The following OR2W1 variants were observed in gnomAD, a reference collection of about 807,000 sequenced individuals.
OR2W1 encodes olfactory receptor family 2 subfamily W member 1.
For missense variants in OR2W1, 367 were observed against 385.3 expected, an observed-to-expected ratio of 0.95 and a Z score of 0.40; for synonymous variants, 133 against 137.8, an observed-to-expected ratio of 0.97 and a Z score of 0.24.
Position 29,044,761 on chromosome 6 carries a change from G to A in OR2W1, c.415C>T (p.His139Tyr). 1 of 1,612,850 alleles carries A rather than the reference G, an allele frequency of 6.2e-7. No individual in the cohort carries two copies. Among genetic ancestry groups the A allele is most frequent in the East Asian group, 2.2e-5 (1 of 44,880 alleles). The change falls in exon 1 of 1, where the codon CAT becomes TAT. Residue 139 changes from histidine to tyrosine, a missense_variant. Transcript: ENST00000377175. The surrounding 1 kb of genome is among the most constrained non-coding windows in gnomAD (Gnocchi z 4.3). ...ATGATAATCATCTTTAGACATAGAT[G>A]TGGGTTCATGACTACAAAATAATGC... Reference protein sequence around the residue: ...PLHYFVVMNPHLCLKMIIMIW... With the variant: ...PLHYFVVMNPYLCLKMIIMIW...
chr6:29,044,715 G>A lies in OR2W1; in HGVS notation c.461C>T (p.Ala154Val), dbSNP rs753098831. 2 of 1,612,868 alleles carry A rather than the reference G, an allele frequency of 1.2e-6. No homozygotes were observed. The highest frequency in any genetic ancestry group is 1.7e-6 in the Non-Finnish European group (2 of 1,179,982). ...GAGTGTACATAATACTACAGAATTG[G>A]CCAAACTAATACTCCAGATCATGAT... ...MIIMIWSISLANSVVLCTLTL... is the reference protein window; with the variant it reads ...MIIMIWSISLVNSVVLCTLTL... The change falls in exon 1 of 1, where the codon GCC becomes GTC. Residue 154 changes from alanine (A) to valine (V), a missense_variant. By Grantham distance (64) the Ala-to-Val change is moderately conservative. Transcript: ENST00000377175. This position sits in a 1 kb window ranked among gnomAD's most constrained non-coding sequence, Gnocchi z 4.3.
chr6:29,045,087 A>G lies in OR2W1; in HGVS notation c.89T>C (p.Val30Ala), dbSNP rs776571592. ...HPKMEMILSGVVAIFYLITLV... is the reference protein window; with the variant it reads ...HPKMEMILSGAVAIFYLITLV... ...TGTAATTAAGTAGAAGATGGCGACA[A>G]CTCCTGACAGGATCATCTCCATTTT... Residue 30 changes from valine to alanine, a missense_variant, in exon 1 of 1, where the codon GTT becomes GCT. Transcript: ENST00000377175. The G allele has an allele frequency of 1.2e-5, 20 of 1,612,782 alleles. No individual in the cohort carries two copies. The South Asian group carries it at 1.6e-4, about 13-fold the overall frequency.
Position 29,044,697 on chromosome 6 carries a change from C to A in OR2W1, c.479G>T (p.Cys160Phe), listed in dbSNP as rs764835169. 3 of 1,612,886 alleles carry A rather than the reference C, an allele frequency of 1.9e-6. No individual in the cohort carries two copies. Among genetic ancestry groups the A allele is most frequent in the Non-Finnish European group, 2.5e-6 (3 of 1,179,952 alleles). The change falls in exon 1 of 1, where the codon TGT (cysteine) becomes TTT (phenylalanine). Residue 160 changes from cysteine (C) to phenylalanine (F), a missense_variant. By Grantham distance (205) the Cys-to-Phe change is radical (BLOSUM62 -2). Transcript: ENST00000377175. The surrounding 1 kb of genome is among the most constrained non-coding windows in gnomAD (Gnocchi z 4.3). The part of the protein sequence containing the change: ...SISLANSVVL[C>F]TLTLNLPTCG... ...TGTGGGCAAATTCAGAGTGAGTGTACATAATACTACAGAATTGGCCAAACT... is the reference window on the plus strand; with the variant it reads ...TGTGGGCAAATTCAGAGTGAGTGTAAATAATACTACAGAATTGGCCAAACT...
In OR2W1 at chr6:29,045,081, G is replaced by T. The variant is rs905266934; in HGVS notation, c.95C>A (p.Ala32Asp). Residue 32 changes from alanine to aspartate, a missense_variant, in exon 1 of 1, where the codon GCC becomes GAC. Coordinates refer to ENST00000377175, the MANE Select transcript of OR2W1 (RefSeq NM_030903.3). ...KMEMILSGVVAIFYLITLVGN... is the reference protein window; with the variant it reads ...KMEMILSGVVDIFYLITLVGN... ...CACCAATGTAATTAAGTAGAAGATG[G>T]CGACAACTCCTGACAGGATCATCTC... 9.9e-6 allele frequency: 16 copies of T among 1,612,854 alleles called. No homozygotes were observed. Among genetic ancestry groups the T allele is most frequent in the African/African-American group, 2.7e-5 (2 of 74,910 alleles).
rs1211321399 is a variant in OR2W1 at position 29,045,102 on chromosome 6, A to G, written c.74T>C (p.Met25Thr). 3 of 1,612,832 alleles carry G rather than the reference A, an allele frequency of 1.9e-6. No homozygotes were observed. Among genetic ancestry groups the G allele is most frequent in the Admixed American group, 1.7e-5 (1 of 60,004 alleles). ...GATGGCGACAACTCCTGACAGGATC[A>G]TCTCCATTTTTGGATGGTTAGAGAA... is the stretch of plus-strand genomic sequence containing the variant. ...LGFSNHPKMEMILSGVVAIFY... is the reference protein window; with the variant it reads ...LGFSNHPKMETILSGVVAIFY... Residue 25 changes from methionine to threonine, a missense_variant, in exon 1 of 1, where the codon ATG (methionine) becomes ACG (threonine). Met to Thr is a moderately conservative substitution (Grantham distance 81). Coordinates refer to ENST00000377175, the MANE Select transcript of OR2W1 (RefSeq NM_030903.3).
chr6:29,044,712 T>C lies in OR2W1; in HGVS notation c.464A>G (p.Asn155Ser), dbSNP rs1784044389. Reference protein sequence around the residue: ...IIMIWSISLANSVVLCTLTLN... With the variant: ...IIMIWSISLASSVVLCTLTLN... ...AGTGAGTGTACATAATACTACAGAA[T>C]TGGCCAAACTAATACTCCAGATCAT... The change falls in exon 1 of 1, where the codon AAT becomes AGT. Residue 155 changes from asparagine (N) to serine (S), a missense_variant. Transcript: ENST00000377175. The surrounding 1 kb of genome is among the most constrained non-coding windows in gnomAD (Gnocchi z 4.3). 5.6e-6 allele frequency: 9 copies of C among 1,612,970 alleles called. No individual in the cohort carries two copies. The highest frequency in any genetic ancestry group is 7.6e-6 in the Non-Finnish European group (9 of 1,180,002).
At position 29,044,996 on chromosome 6, in the gene OR2W1, G is replaced by A. The variant is rs1784075145; in HGVS notation, c.180C>T (p.Tyr60=). The A allele has an allele frequency of 6.2e-7, 1 of 1,612,948 alleles. No individual in the cohort carries two copies. The highest frequency in any genetic ancestry group is 8.5e-7 in the Non-Finnish European group (1 of 1,179,940). The change falls in exon 1 of 1, where the codon TAC becomes TAT. Residue 60 remains tyrosine (Y), a synonymous_variant. Transcript: ENST00000377175. This position sits in a 1 kb window ranked among gnomAD's most constrained non-coding sequence, Gnocchi z 4.3. ...LLDSQLHTPM[Y]FFLRNLSFLD... ...GGAAAGATAAATTTCTGAGGAAAAA[G>A]TACATTGGTGTATGAAGCTGGGAAT...
Position 29,045,020 on chromosome 6 carries a change from A to C in OR2W1, c.156T>G (p.Asp52Glu). 6.2e-7 allele frequency: 1 copy of C among 1,613,010 alleles called. No homozygotes were observed. Among genetic ancestry groups the C allele is most frequent in the Non-Finnish European group, 8.5e-7 (1 of 1,179,982 alleles). Residue 52 changes from aspartate to glutamate, a missense_variant, in exon 1 of 1, where the codon GAT (aspartate) becomes GAG (glutamate). Asp to Glu is a conservative substitution (Grantham distance 45). Coordinates refer to ENST00000377175, the MANE Select transcript of OR2W1 (RefSeq NM_030903.3). ...AGTACATTGGTGTATGAAGCTGGGA[A>C]TCCAGGAGAGATGCAAGAATGATGG... ...NTAIILASLLDSQLHTPMYFF... is the reference protein window; with the variant it reads ...NTAIILASLLESQLHTPMYFF...
rs764583532 is a variant in OR2W1 at position 29,044,852 on chromosome 6, G to A, written c.324C>T (p.Gly108=). Residue 108 remains glycine, a synonymous_variant, in exon 1 of 1, where the codon GGC becomes GGT. Coordinates refer to ENST00000377175, the MANE Select transcript of OR2W1 (RefSeq NM_030903.3). The surrounding 1 kb of genome is among the most constrained non-coding windows in gnomAD (Gnocchi z 4.3). ...CAGCCAGGAGAAGGCACTCAACTGA[G>A]CCCAACCACATGTAAACATAGAGTT... ...IIQLYVYMWL[G]SVECLLLAVM... 3 of 1,612,900 alleles carry A rather than the reference G, an allele frequency of 1.9e-6. No homozygotes were observed. Among genetic ancestry groups the A allele is most frequent in the Admixed American group, 3.3e-5 (2 of 59,992 alleles).
In OR2W1 at chr6:29,044,771, G is replaced by T. The variant is rs1275240200; in HGVS notation, c.405C>A (p.Val135=). 1.2e-6 allele frequency: 2 copies of T among 1,612,738 alleles called. No homozygotes were observed. Among genetic ancestry groups the T allele is most frequent in the African/African-American group, 1.3e-5 (1 of 74,904 alleles). ...AICKPLHYFV[V]MNPHLCLKMI... is the part of the protein sequence containing the mutation. The stretch of plus-strand genomic sequence containing the variant: ...TCTTTAGACATAGATGTGGGTTCAT[G>T]ACTACAAAATAATGCAAGGGCTTAC... Residue 135 remains valine (V), a synonymous_variant, in exon 1 of 1, where the codon GTC becomes GTA. Transcript: ENST00000377175. This position sits in a 1 kb window ranked among gnomAD's most constrained non-coding sequence, Gnocchi z 4.3.
In OR2W1 at chr6:29,044,878, G is replaced by A. The variant is rs766557035; in HGVS notation, c.298C>T (p.Gln100Ter). The A allele has an allele frequency of 2.5e-6, 4 of 1,612,758 alleles. No individual in the cohort carries two copies. The highest frequency in any genetic ancestry group is 3.4e-6 in the Non-Finnish European group (4 of 1,179,984). Residue 100 changes from glutamine to a stop codon, truncating the protein, a stop_gained, in exon 1 of 1, where the codon CAA (glutamine) becomes TAA (stop). Transcript: ENST00000377175. LOFTEE classifies it low-confidence loss of function (END_TRUNC). The surrounding 1 kb of genome is among the most constrained non-coding windows in gnomAD (Gnocchi z 4.3). The stretch of plus-strand genomic sequence containing the variant: ...CCCAACCACATGTAAACATAGAGTT[G>A]GATGATACAACCCACATAGCTGATG... Reference protein sequence around the residue: ...KTISYVGCIIQLYVYMWLGSV... With the variant: ...KTISYVGCII
rs1308920601 is a variant in OR2W1 at position 29,044,722 on chromosome 6, T to G, written c.454A>C (p.Ser152Arg). ...LKMIIMIWSI[S>R]LANSVVLCTL... ...CATAATACTACAGAATTGGCCAAAC[T>G]AATACTCCAGATCATGATAATCATC... Residue 152 changes from serine to arginine, a missense_variant, in exon 1 of 1, where the codon AGT becomes CGT. Transcript: ENST00000377175. This position sits in a 1 kb window ranked among gnomAD's most constrained non-coding sequence, Gnocchi z 4.3. 1 of 1,612,934 alleles carries G rather than the reference T, an allele frequency of 6.2e-7. No individual in the cohort carries two copies. Among genetic ancestry groups the G allele is most frequent in the South Asian group, 1.1e-5 (1 of 91,080 alleles).
Position 29,044,532 on chromosome 6 carries a change from A to G in OR2W1, c.644T>C (p.Leu215Pro). 6.2e-7 allele frequency: 1 copy of G among 1,613,042 alleles called. No individual in the cohort carries two copies. Residue 215 changes from leucine (L) to proline (P), a missense_variant, in exon 1 of 1, where the codon CTT becomes CCT. Physicochemically the swap from Leu to Pro is moderately conservative, Grantham distance 98. Transcript: ENST00000377175. The surrounding 1 kb of genome is among the most constrained non-coding windows in gnomAD (Gnocchi z 4.3). ...TTTGGCAATGTAGCCATAGGATATA[A>G]GAATAAGGATGAGAGGTGTGAGGAC... ...IIVLTPLILI[L>P]ISYGYIAKAV...
rs750355430 is a variant in OR2W1 at position 29,045,036 on chromosome 6, A to G, written c.140T>C (p.Leu47Pro). The change falls in exon 1 of 1, where the codon CTT becomes CCT. Residue 47 changes from leucine to proline, a missense_variant. Transcript: ENST00000377175. ...AAGCTGGGAATCCAGGAGAGATGCA[A>G]GAATGATGGCTGTGTTACCCACCAA... ...ITLVGNTAII[L>P]ASLLDSQLHT... 7 of 1,613,084 alleles carry G rather than the reference A, an allele frequency of 4.3e-6. No homozygotes were observed. The East Asian group carries it at 1.6e-4, about 36-fold the overall frequency.
At position 29,044,492 on chromosome 6, in the gene OR2W1, C is replaced by T. The variant is rs144276666; in HGVS notation, c.684G>A (p.Thr228=). Residue 228 remains threonine (T), a synonymous_variant, in exon 1 of 1, where the codon ACG becomes ACA. Coordinates refer to ENST00000377175, the MANE Select transcript of OR2W1 (RefSeq NM_030903.3). The surrounding 1 kb of genome is among the most constrained non-coding windows in gnomAD (Gnocchi z 4.3). ...CTTTTCGCTGGCTTGCTTTTGACTT[C>T]GTTCTCAGCACAGCTTTGGCAATGT... ...YGYIAKAVLR[T]KSKASQRKAM... is the part of the protein sequence containing the mutation. 9.3e-6 allele frequency: 15 copies of T among 1,612,848 alleles called. No individual in the cohort carries two copies. Among genetic ancestry groups the T allele is most frequent in the East Asian group, 4.5e-5 (2 of 44,896 alleles).
In OR2W1 at chr6:29,044,401, A is replaced by G; in HGVS notation, c.775T>C (p.Tyr259His). The part of the protein sequence containing the change: ...SMFYGTIIYM[Y>H]LQPGNRASKD... ...GAAGCCCTGTTACCTGGTTGCAGGT[A>G]CATGTAGATAATAGTTCCATAGAAC... The change falls in exon 1 of 1, where the codon TAC becomes CAC. Residue 259 changes from tyrosine (Y) to histidine (H), a missense_variant. Transcript: ENST00000377175. This position sits in a 1 kb window ranked among gnomAD's most constrained non-coding sequence, Gnocchi z 4.3. The G allele has an allele frequency of 1.2e-6, 2 of 1,612,922 alleles. No homozygotes were observed. The highest frequency in any genetic ancestry group is 3.3e-5 in the Admixed American group (2 of 60,020).
chr6:29,044,778 A>C lies in OR2W1; in HGVS notation c.398T>G (p.Phe133Cys), dbSNP rs892489709. ...FTAICKPLHY[F>C]VVMNPHLCLK... Reference sequence around the variant, plus strand: ...ACATAGATGTGGGTTCATGACTACAAAATAATGCAAGGGCTTACATATAGC... The same window carrying C: ...ACATAGATGTGGGTTCATGACTACACAATAATGCAAGGGCTTACATATAGC... The change falls in exon 1 of 1, where the codon TTT becomes TGT. Residue 133 changes from phenylalanine (F) to cysteine (C), a missense_variant. Transcript: ENST00000377175. The surrounding 1 kb of genome is among the most constrained non-coding windows in gnomAD (Gnocchi z 4.3). 5 of 1,612,986 alleles carry C rather than the reference A, an allele frequency of 3.1e-6. No homozygotes were observed. In the African/African-American group the frequency reaches 6.7e-5, roughly 21 times the overall value.
chr6:29,044,456 G>C lies in OR2W1; in HGVS notation c.720C>G (p.Thr240=). The change falls in exon 1 of 1, where the codon ACC becomes ACG. Residue 240 remains threonine (T), a synonymous_variant. Coordinates refer to ENST00000377175, the MANE Select transcript of OR2W1 (RefSeq NM_030903.3). This position sits in a 1 kb window ranked among gnomAD's most constrained non-coding sequence, Gnocchi z 4.3. ...SKASQRKAMN[T]CGSHLTVVSM... is the part of the protein sequence containing the mutation. ...ACACTACAGTAAGATGAGATCCACA[G>C]GTATTCATTGCTTTTCGCTGGCTTG... is the stretch of plus-strand genomic sequence containing the variant. 1 of 1,613,022 alleles carries C rather than the reference G, an allele frequency of 6.2e-7. No individual in the cohort carries two copies. Among genetic ancestry groups the C allele is most frequent in the South Asian group, 1.1e-5 (1 of 91,076 alleles).
rs1386728007 is a variant in OR2W1, at chr6:29,044,582, A to G, written c.594T>C (p.Ser198=). 1 of 1,613,066 alleles carries G rather than the reference A, an allele frequency of 6.2e-7. No homozygotes were observed. The highest frequency in any genetic ancestry group is 8.5e-7 in the Non-Finnish European group (1 of 1,179,992). ...ACVDTTTVEM[S]VFALGIIIVL... ...CAATTATAATGCCTAAAGCGAAAAC[A>G]GACATTTCAACTGTTGTGGTGTCTA... The change falls in exon 1 of 1, where the codon TCT becomes TCC. Residue 198 remains serine (S), a synonymous_variant. Coordinates refer to ENST00000377175, the MANE Select transcript of OR2W1 (RefSeq NM_030903.3). This position sits in a 1 kb window ranked among gnomAD's most constrained non-coding sequence, Gnocchi z 4.3.
Sources: gnomAD v4.1 joint callset for allele counts on GRCh38, gnomAD v4.1.1 for gene constraint, Gnocchi (gnomAD v3.1) non-coding constraint, MANE v1.5 for transcripts, NCBI Gene and HGNC (gene_info 2026-07-23, HGNC 2026-07-21) for gene names.